PGBD2: variants seen among roughly 807,000 people sequenced by gnomAD.
PGBD2 encodes the protein piggyBac transposable element derived 2.
A neutral mutation model predicts 8.1 loss-of-function variants in PGBD2; 6 were observed. The observed-to-expected ratio is 0.74, with a 90% confidence interval of 0.40 to 1.46. PGBD2 has a LOEUF of 1.46. Among genes scored for constraint, PGBD2 ranks in the 40% most tolerant of loss-of-function variants. PGBD2 has a pLI of 0.02. For synonymous variants in PGBD2, 318 were observed against 272.2 expected (o/e 1.17, Z -1.66); for missense variants, 802 against 739.0 (o/e 1.09, Z -0.99).
the PGBD2 span, among the ~76,000 whole-genome samples, chr1:248,900,150 C>T: frequency 2.0e-5 from 3 of 148,062 alleles, no homozygotes; most frequent in African/African-American, 2.5e-5. Flanking sequence ...CTTAATTCTA[C>T]CAGAGGTGTA....
the PGBD2 span, among the ~76,000 whole-genome samples, chr1:248,878,248 C>T: frequency 6.6e-6 from 1 of 151,580 alleles, no homozygotes; most frequent in Non-Finnish European, 1.5e-5. Flanking sequence ...GGCGCAATCT[C>T]GGCTCACTGC....
upstream of PGBD2, among the ~76,000 whole-genome samples, chr1:248,904,579 C>G (rs989221761): frequency 2.0e-5 from 3 of 152,214 alleles, no homozygotes; most frequent in African/African-American, 7.2e-5. Flanking sequence ...CTCACCCCCT[C>G]TTTGACCTCA....
the PGBD2 span, among the ~76,000 whole-genome samples, chr1:248,874,858 TTC>T: frequency 0.039 from 5,885 of 149,506 alleles, 378 homozygotes; most frequent in African/African-American, 0.13. Context: ...TTTTGTCACA[TTC>T]TCTCTCTCTC....
At chr1:248,902,649 T>C (rs1213705374), upstream of PGBD2, among the ~76,000 whole-genome samples, 4 of 152,168 alleles carry the variant, frequency 2.6e-5, no homozygotes, top group Non-Finnish European at 4.4e-5. Flanking sequence ...ATATACAACA[T>C]GGAATACTAT....
At chr1:248,923,285 TG>T (rs1214181938), downstream of PGBD2, among the ~76,000 whole-genome samples, 1 of 152,244 alleles carries the variant, frequency 6.6e-6, no homozygotes. Flanking sequence ...TTTGTATTTC[TG>T]GGGGATCAGT....
chr1:248,907,068 CGGTCTCTG>C (rs1572270098), intron 1 of PGBD2, among the ~76,000 whole-genome samples: 1 of 152,084 alleles, frequency 6.6e-6, no homozygotes, highest in East Asian at 1.9e-4. Context: ...GCACCAGCAC[CGGTCTCTG>C]AGTTCCCTCA....
At chr1:248,874,329 T>C in the PGBD2 span, among the ~76,000 whole-genome samples, 2 of 152,158 alleles carry the variant, frequency 1.3e-5, no homozygotes, top group Non-Finnish European at 2.9e-5. Flanking sequence ...AGTAAGCCGT[T>C]TTAAAAACTG....
At chr1:248,895,348 C>G in the PGBD2 span, among the ~76,000 whole-genome samples, 1 of 152,016 alleles carries the variant, frequency 6.6e-6, no homozygotes, top group African/African-American at 2.4e-5. Flanking sequence ...TACTGCCAGC[C>G]CAACCTGGCA....
intron 1 of PGBD2, among the ~76,000 whole-genome samples, chr1:248,908,332 C>T (rs1013996296): frequency 1.3e-5 from 2 of 152,120 alleles, no homozygotes; most frequent in Non-Finnish European, 2.9e-5. Context: ...TGAGAATGCC[C>T]AGTTGGACCT....
downstream of PGBD2, among the ~76,000 whole-genome samples, chr1:248,922,852 G>C (rs1457680126): frequency 6.6e-6 from 1 of 152,114 alleles, no homozygotes; most frequent in African/African-American, 2.4e-5. Context: ...TGCTGGACTC[G>C]GTTTGCCAGT....
chr1:248,920,033 C>T (rs1365533555), downstream of PGBD2: 1 of 152,100 alleles, frequency 6.6e-6, no homozygotes, highest in African/African-American at 2.4e-5. Context: ...CCCACCACCA[C>T]ACCCGGCTAA....
the PGBD2 span, among the ~76,000 whole-genome samples, chr1:248,879,266 C>T: frequency 6.6e-5 from 10 of 152,120 alleles, no homozygotes; most frequent in African/African-American, 2.4e-4. Context: ...GTAGAGGTGG[C>T]GATGAATGTC....
the PGBD2 span, among the ~76,000 whole-genome samples, chr1:248,887,016 T>C: frequency 6.6e-6 from 1 of 152,218 alleles, no homozygotes; most frequent in Non-Finnish European, 1.5e-5. Flanking sequence ...TATTTATGTA[T>C]GTTTTTATGC....
At position 248,918,672 on chromosome 1, in the gene PGBD2, A is replaced by G. The variant is rs537046813; in HGVS notation, c.*309A>G. ...TATTTGAATCCTAGCAAGAATAATC[A>G]AAGGAAAACTTGCAAGAACAGTAAG... On this transcript the variant is annotated 3_prime_UTR_variant, in exon 3 of 3. Transcript: ENST00000329291. The G allele has an allele frequency of 1.2e-5, 2 of 171,890 alleles. No homozygotes were observed. Among genetic ancestry groups the G allele is most frequent in the East Asian group, 3.6e-4 (2 of 5,590 alleles). The allele number at this position is 171,890 out of a possible 1,614,324, so 10.6% of individuals were successfully genotyped here.
rs1012261092 is a variant in PGBD2 at position 248,918,566 on chromosome 1, CATTTAT to C, written c.*214_*219del. 4 of 297,538 alleles carry C rather than the reference CATTTAT, an allele frequency of 1.3e-5. No homozygotes were observed. The highest frequency in any genetic ancestry group is 8.8e-5 in the African/African-American group (4 of 45,628). 18.4% of individuals were successfully genotyped at this position (297,538 alleles called of 1,614,324 possible). A position where few individuals can be genotyped will look rare whatever the true frequency, so the allele number is the denominator to read the frequency against. Reference sequence around the variant, plus strand: ...TGTGATATAAATTAATATTTATATTCATTTATATTTATATTTTTGAACTTATTTATT... The same window carrying C: ...TGTGATATAAATTAATATTTATATTCATTTATATTTTTGAACTTATTTATT... On this transcript the variant is annotated 3_prime_UTR_variant, in exon 3 of 3. Transcript: ENST00000329291.
At chr1:248,891,807 G>C in the PGBD2 span, among the ~76,000 whole-genome samples, 2 of 152,186 alleles carry the variant, frequency 1.3e-5, no homozygotes, top group Admixed American at 1.3e-4. Context: ...CTGGGCAACA[G>C]AATGACAGCC....
chr1:248,917,542 C>T lies in PGBD2; in HGVS notation c.958C>T (p.Pro320Ser). 1 of 1,614,138 alleles carries T rather than the reference C, an allele frequency of 6.2e-7. No individual in the cohort carries two copies. Among genetic ancestry groups the T allele is most frequent in the Non-Finnish European group, 8.5e-7 (1 of 1,180,030 alleles). Residue 320 changes from proline (P) to serine (S), a missense_variant, in exon 3 of 3, where the codon CCA becomes TCA. By Grantham distance (74) the Pro-to-Ser change is moderately conservative. Transcript: ENST00000329291. ...EPSQGTLFTK[P>S]DRSLDLGGSM... Reference sequence around the variant, plus strand: ...CTCACAGGGCACACTGTTTACCAAGCCAGACAGGAGCTTGGATCTAGGAGG... The same window carrying T: ...CTCACAGGGCACACTGTTTACCAAGTCAGACAGGAGCTTGGATCTAGGAGG...
chr1:248,886,536 A>G, the PGBD2 span, among the ~76,000 whole-genome samples: 38 of 152,254 alleles, frequency 2.5e-4, no homozygotes, highest in Non-Finnish European at 1.5e-5. Flanking sequence ...GAAGAAAAAT[A>G]TCTTCCTAGA....
At chr1:248,924,107 G>T (rs1325262698), downstream of PGBD2, among the ~76,000 whole-genome samples, 1 of 152,232 alleles carries the variant, frequency 6.6e-6, no homozygotes, top group African/African-American at 2.4e-5. Context: ...CAAGTCACTG[G>T]CCCCTATAGC....
Sources: allele counts gnomAD v4.1 joint callset (sites outside exome capture counted in the v4.1 genomes callset), GRCh38; gene constraint gnomAD v4.1.1; transcripts MANE v1.5; gene names NCBI Gene and HGNC (gene_info 2026-07-23, HGNC 2026-07-21).